AKAP13: variants seen among roughly 807,000 people sequenced by gnomAD.
The protein encoded by AKAP13 is A-kinase anchor protein 13.
A neutral mutation model predicts 264.5 loss-of-function variants in AKAP13; 80 were observed. The ratio of observed to expected loss-of-function variants is 0.30; its 90% CI spans 0.25 to 0.36. AKAP13 has a LOEUF of 0.36. Ranked by LOEUF, AKAP13 falls within the 10% of genes least tolerant of loss-of-function variation. The pLI is 1.00. For synonymous variants in AKAP13, 1,380 were observed against 1,250.2 expected (o/e 1.10, Z -2.19); for missense variants, 3,712 against 3,435.2 (o/e 1.08, Z -2.01).
chr15:85,565,708 T>TA (rs1235542873), intron 5 of AKAP13, among the ~76,000 whole-genome samples: 2 of 152,198 alleles, frequency 1.3e-5, no homozygotes, highest in Non-Finnish European at 2.9e-5. Flanking sequence ...AGCATTCAGA[T>TA]ACACCTAGGA....
At chr15:85,474,228 TA>T (rs545217017) in intron 1 of AKAP13, among the ~76,000 whole-genome samples, 17 of 152,212 alleles carry the variant, frequency 1.1e-4, no homozygotes, top group Non-Finnish European at 2.4e-4. Flanking sequence ...TAAAAGCTCA[TA>T]AGCCCATTAT....
intron 8 of AKAP13, among the ~76,000 whole-genome samples, chr15:85,628,369 G>C (rs773930117): frequency 4.6e-5 from 7 of 152,156 alleles, no homozygotes; most frequent in African/African-American, 1.4e-4. Context: ...TCAGTGTGTA[G>C]CTGACAGCAA....
At chr15:85,446,069 A>T (rs1318617249) in intron 1 of AKAP13, among the ~76,000 whole-genome samples, 1 of 152,186 alleles carries the variant, frequency 6.6e-6, no homozygotes, top group East Asian at 1.9e-4. Context: ...TGGTATTGCT[A>T]GAGTTGTGAT....
At chr15:85,673,765 A>G (rs2084058665) in intron 14 of AKAP13, among the ~76,000 whole-genome samples, 1 of 137,234 alleles carries the variant, frequency 7.3e-6, no homozygotes, top group Non-Finnish European at 1.5e-5. Flanking sequence ...GGCTCACTGC[A>G]AGCTCTGCCT....
intron 2 of AKAP13, among the ~76,000 whole-genome samples, chr15:85,500,088 T>C (rs566638900): frequency 6.6e-6 from 1 of 152,284 alleles, no homozygotes; most frequent in African/African-American, 2.4e-5. Context: ...GGTTAGGATT[T>C]ATGACCCCAA....
chr15:85,381,417 C>A (rs1763441157), intron 1 of AKAP13, among the ~76,000 whole-genome samples: 1 of 151,750 alleles, frequency 6.6e-6, no homozygotes, highest in African/African-American at 2.4e-5. Context: ...CCCGTGCGGT[C>A]CCCACGCGCT....
chr15:85,467,623 G>A (rs1416101595), intron 1 of AKAP13, among the ~76,000 whole-genome samples: 2 of 151,968 alleles, frequency 1.3e-5, no homozygotes, highest in South Asian at 2.1e-4. Flanking sequence ...CCACTCCCTT[G>A]TGTCTTCCTT....
intron 5 of AKAP13, among the ~76,000 whole-genome samples, chr15:85,567,119 G>GT (rs1184921044): frequency 3.3e-5 from 5 of 149,872 alleles, no homozygotes; most frequent in Non-Finnish European, 7.4e-5. Context: ...GCAGTTTTTT[G>GT]TTTTTTTGAG....
Position 85,509,365 on chromosome 15 carries a change from T to C in AKAP13, c.34-12063T>C, listed in dbSNP as rs527885803. 1.1e-4 allele frequency among the ~76,000 whole-genome samples: 16 copies of C among 152,296 alleles called. 2 individuals carry two copies. In the South Asian group the frequency reaches 3.3e-3, roughly 32 times the overall value. On this transcript the variant is annotated intron_variant, in intron 2 of 36. Transcript: ENST00000394518. ...AAAGATTTTTGTGCATATGCTTGCT[T>C]TGTAATGGTATTGATTTCCCAGAGA...
chr15:85,385,396 A>C (rs1047764925), intron 1 of AKAP13, among the ~76,000 whole-genome samples: 2 of 152,166 alleles, frequency 1.3e-5, no homozygotes, highest in Non-Finnish European at 2.9e-5. Flanking sequence ...TCATATGTAT[A>C]GTTTACATTC....
chr15:85,392,293 C>G (rs924541292), intron 1 of AKAP13, among the ~76,000 whole-genome samples: 6 of 121,372 alleles, frequency 4.9e-5, no homozygotes, highest in African/African-American at 1.9e-4. Flanking sequence ...CTCGCTCTGT[C>G]GCCAAGGCTG....
At chr15:85,478,855 A>T (rs1450380495) in intron 1 of AKAP13, among the ~76,000 whole-genome samples, 1 of 139,236 alleles carries the variant, frequency 7.2e-6, no homozygotes, top group East Asian at 2.0e-4. Flanking sequence ...TCATTTCCCG[A>T]AGTGTGGGTC....
chr15:85,710,679 C>A, intron 19 of AKAP13, 34 bp downstream of exon 19: 1 of 1,604,376 alleles, frequency 6.2e-7, no homozygotes, highest in South Asian at 1.1e-5. Flanking sequence ...AATTCCCTTT[C>A]TGACTTTCTG....
intron 1 of AKAP13, among the ~76,000 whole-genome samples, chr15:85,419,935 G>GTTTTTTTTTTTTTTTTTTTT (rs11452064): frequency 1.3e-5 from 1 of 77,970 alleles, no homozygotes; most frequent in Non-Finnish European, 2.3e-5. Context: ...TCTGACTCTT[G>GTTTTTTTTTTTTTTTTTTTT]TTTTTTTTTT....
rs1022115686 is a variant in AKAP13, at chr15:85,582,031, C to A, written c.3963C>A (p.Ser1321Arg). ...MGSTPEEATG[S>R]LAGCFAGREE... is the part of the protein sequence containing the mutation. ...GTACTCCTGAGGAAGCCACGGGGAG[C>A]CTTGCAGGATGTTTTGCTGGAAGGG... The change falls in exon 7 of 37, where the codon AGC (serine) becomes AGA (arginine). Residue 1321 changes from serine (S) to arginine (R), a missense_variant. Transcript: ENST00000394518. 7 of 1,614,028 alleles carry A rather than the reference C, an allele frequency of 4.3e-6. No individual in the cohort carries two copies. The highest frequency in any genetic ancestry group is 5.9e-6 in the Non-Finnish European group (7 of 1,179,984).
chr15:85,637,089 A>G (rs1308155538), intron 8 of AKAP13, among the ~76,000 whole-genome samples: 1 of 152,182 alleles, frequency 6.6e-6, no homozygotes, highest in African/African-American at 2.4e-5. Context: ...TTGCATCTGT[A>G]TTCCTGAGGA....
At chr15:85,518,517 C>G (rs2076691200) in intron 2 of AKAP13, among the ~76,000 whole-genome samples, 1 of 151,938 alleles carries the variant, frequency 6.6e-6, no homozygotes, top group Non-Finnish European at 1.5e-5. Flanking sequence ...ATATTAAAAA[C>G]AAACAAACAA....
intron 30 of AKAP13, among the ~76,000 whole-genome samples, chr15:85,733,158 G>A (rs2088178087): frequency 6.6e-6 from 1 of 152,200 alleles, no homozygotes; most frequent in Non-Finnish European, 1.5e-5. Flanking sequence ...GTTCATGAGA[G>A]TAATAGTCCA....
chr15:85,655,821 T>A, intron 11 of AKAP13, 34 bp downstream of exon 11: 1 of 1,566,930 alleles, frequency 6.4e-7, no homozygotes, highest in South Asian at 1.2e-5. Flanking sequence ...AGTGTCTCAG[T>A]GTCTGCTTGC....
Sources: gnomAD v4.1 joint callset for allele counts (sites outside exome capture counted in the v4.1 genomes callset) on GRCh38, gnomAD v4.1.1 for gene constraint, MANE v1.5 for transcripts, NCBI Gene and HGNC (gene_info 2026-07-23, HGNC 2026-07-21) for gene names.